ADARB2: variants seen among roughly 807,000 people sequenced by gnomAD.
ADARB2 encodes inactive double-stranded RNA-specific editase B2.
ADARB2 carries 25 observed loss-of-function variants against 62.2 expected under a neutral mutation model. The ratio of observed to expected loss-of-function variants is 0.40; its 90% CI spans 0.29 to 0.56. The LOEUF (loss-of-function observed/expected upper bound fraction) is 0.56. Ranked by LOEUF, ADARB2 falls within the 20% of genes least tolerant of loss-of-function variation. The probability of loss-of-function intolerance (pLI) is 0.43; values close to 1 mark genes in which losing one functional copy is unlikely to be tolerated. For synonymous variants in ADARB2, 572 were observed against 500.8 expected, an observed-to-expected ratio of 1.14 and a Z score of -1.90; for missense variants, 1,071 against 1,077.4, an observed-to-expected ratio of 0.99 and a Z score of 0.08.
At chr10:1,596,736 A>T (rs1429318685) in intron 1 of ADARB2, among the ~76,000 whole-genome samples, 1 of 152,210 alleles carries the variant, frequency 6.6e-6, no homozygotes, top group Non-Finnish European at 1.5e-5. Context: ...AACCGGACAG[A>T]AGCACCTCCG....
chr10:1,737,046 C>T lies in ADARB2; in HGVS notation c.100+5G>A. 6.2e-7 allele frequency: 1 copy of T among 1,610,390 alleles called. No homozygotes were observed. Among genetic ancestry groups the T allele is most frequent in the Non-Finnish European group, 8.5e-7 (1 of 1,179,872 alleles). ...GCAGGGGCCGGCGCGCCACGCGGTC[C>T]TTACCTTTCCGCTTGGACCTCCGCC... On this transcript the variant is annotated splice_donor_5th_base_variant and intron_variant, in intron 1 of 9. Transcript: ENST00000381312.
chr10:1,462,784 C>T (rs565481509), intron 1 of ADARB2, among the ~76,000 whole-genome samples: 26 of 150,454 alleles, frequency 1.7e-4, no homozygotes, highest in South Asian at 1.3e-3. Flanking sequence ...TATGTGTGCA[C>T]GTGTGTGCAT....
At chr10:1,711,769 C>T (rs769289795) in intron 1 of ADARB2, among the ~76,000 whole-genome samples, 15 of 152,196 alleles carry the variant, frequency 9.9e-5, no homozygotes, top group Non-Finnish European at 1.8e-4. Context: ...TTCCCTCCTG[C>T]CCAGGCTCTT....
rs1298172387 is a variant in ADARB2 at position 1,550,977 on chromosome 10, T to A, written c.101-171817A>T. Among the ~76,000 whole-genome samples, 6 of 152,292 alleles carry A rather than the reference T, an allele frequency of 3.9e-5. No individual in the cohort carries two copies. The Middle Eastern group carries it at 0.01, about 259-fold the overall frequency. On this transcript the variant is annotated intron_variant, in intron 1 of 9. Transcript: ENST00000381312. ...AGAAAAGGGGCTGTTCTGGGCTGTA[T>A]TCGGCCCTGTCAAAATTCACACGTG...
chr10:1,370,667 G>A (rs1007140410), intron 2 of ADARB2, among the ~76,000 whole-genome samples: 3 of 152,154 alleles, frequency 2.0e-5, no homozygotes, highest in African/African-American at 7.2e-5. Flanking sequence ...TAATGTTTAA[G>A]CTGAGAAACA....
At chr10:1,464,399 A>T (rs1831221209) in intron 1 of ADARB2, among the ~76,000 whole-genome samples, 1 of 138,444 alleles carries the variant, frequency 7.2e-6, no homozygotes, top group Non-Finnish European at 1.5e-5. Flanking sequence ...GGGTGGACAC[A>T]CACTCCCCCA....
chr10:1,625,013 G>A (rs148670265), intron 1 of ADARB2, among the ~76,000 whole-genome samples: 82 of 152,306 alleles, frequency 5.4e-4, no homozygotes, highest in African/African-American at 1.9e-3. Context: ...GTCTAACACA[G>A]GTTTCTCCTA....
rs114364380 is a variant in ADARB2 at position 1,504,099 on chromosome 10, T to C, written c.101-124939A>G. Among the ~76,000 whole-genome samples, 1,101 of 152,304 alleles carry C rather than the reference T, an allele frequency of 7.2e-3. 16 individuals are homozygous for C. Among genetic ancestry groups the C allele is most frequent in the African/African-American group, 0.025 (1,053 of 41,560 alleles). ...CAGTATTTCATGAAGCAGGCACAAA[T>C]GACATGGAAGTGGCATGTTCAGTGA... On this transcript the variant is annotated intron_variant, in intron 1 of 9. Coordinates refer to ENST00000381312, the MANE Select transcript of ADARB2 (RefSeq NM_018702.4).
At chr10:1,454,848 T>G (rs1344953683) in intron 1 of ADARB2, among the ~76,000 whole-genome samples, 1 of 152,158 alleles carries the variant, frequency 6.6e-6, no homozygotes, top group East Asian at 1.9e-4. Flanking sequence ...TTACCATAAT[T>G]TAAAAAAAGA....
At chr10:1,348,680 C>T (rs759505435) in intron 3 of ADARB2, among the ~76,000 whole-genome samples, 5 of 152,208 alleles carry the variant, frequency 3.3e-5, no homozygotes, top group African/African-American at 4.8e-5. Context: ...GAATTAAGGG[C>T]TGTGAAGGCC....
At chr10:1,618,512 T>C (rs1297321963) in intron 1 of ADARB2, among the ~76,000 whole-genome samples, 1 of 144,754 alleles carries the variant, frequency 6.9e-6, no homozygotes, top group Non-Finnish European at 1.6e-5. Context: ...CAACAAGTCA[T>C]TTTTTTTGTT....
chr10:1,200,945 T>C (rs1017847715), intron 7 of ADARB2, among the ~76,000 whole-genome samples: 1 of 152,248 alleles, frequency 6.6e-6, no homozygotes, highest in Non-Finnish European at 1.5e-5. Context: ...ATTACTGCCA[T>C]CCCCGCATGC....
intron 1 of ADARB2, among the ~76,000 whole-genome samples, chr10:1,563,104 C>T (rs1353762702): frequency 6.6e-6 from 1 of 152,018 alleles, no homozygotes; most frequent in Admixed American, 6.5e-5. Context: ...AGGGTGAGAA[C>T]GTGGTCTCCC....
intron 1 of ADARB2, among the ~76,000 whole-genome samples, chr10:1,524,973 C>A (rs955532624): frequency 2.6e-5 from 4 of 152,188 alleles, no homozygotes; most frequent in Non-Finnish European, 4.4e-5. Flanking sequence ...ACTGCTATGT[C>A]TTTTTACCTT....
intron 4 of ADARB2, among the ~76,000 whole-genome samples, chr10:1,260,436 T>TA (rs1243842166): frequency 6.6e-6 from 1 of 150,990 alleles, no homozygotes; most frequent in Non-Finnish European, 1.5e-5. Flanking sequence ...CTTAAGCTGA[T>TA]AAGCAACTTC....
intron 1 of ADARB2, among the ~76,000 whole-genome samples, chr10:1,659,923 T>A (rs942417250): frequency 6.8e-6 from 1 of 147,932 alleles, no homozygotes; most frequent in East Asian, 2.2e-4. Context: ...CTCCACCCTC[T>A]TCCTCCATTG....
intron 4 of ADARB2, among the ~76,000 whole-genome samples, chr10:1,263,959 C>T (rs1410758949): frequency 6.6e-6 from 1 of 152,150 alleles, no homozygotes; most frequent in Non-Finnish European, 1.5e-5. Flanking sequence ...AGGGTCAGCA[C>T]CGGTTTAGTG....
At chr10:1,223,553 G>A (rs892990977) in intron 6 of ADARB2, among the ~76,000 whole-genome samples, 2 of 152,296 alleles carry the variant, frequency 1.3e-5, no homozygotes, top group Admixed American at 6.5e-5. Context: ...GATATTGGCT[G>A]TGGGTTTGTC....
In ADARB2 at chr10:1,736,400, C is replaced by A. The variant is rs531788956; in HGVS notation, c.100+651G>T. On this transcript the variant is annotated intron_variant, in intron 1 of 9. Transcript: ENST00000381312. ...GAGTTTGTCAGTGGCCGCTGTCAGCCGGCTGCTTTTCCTGCTTTCCTGGTT... is the reference window on the plus strand; with the variant it reads ...GAGTTTGTCAGTGGCCGCTGTCAGCAGGCTGCTTTTCCTGCTTTCCTGGTT... Among the ~76,000 whole-genome samples the A allele has an allele frequency of 3.7e-4, 57 of 152,322 alleles. 1 individual carries two copies. In the South Asian group the frequency reaches 0.011, roughly 29 times the overall value.
Sources: allele counts gnomAD v4.1 joint callset (sites outside exome capture counted in the v4.1 genomes callset), GRCh38; gene constraint gnomAD v4.1.1; transcripts MANE v1.5; gene names NCBI Gene and HGNC (gene_info 2026-07-23, HGNC 2026-07-21).